GPHN: variants seen among roughly 807,000 people sequenced by gnomAD.
GPHN encodes the protein gephyrin.
Under a neutral mutation model 95.5 loss-of-function variants are expected in GPHN, and 17 were observed. That is an observed-to-expected ratio of 0.18 (90% confidence interval 0.12 to 0.27). GPHN has a LOEUF of 0.27. Ranked by LOEUF, GPHN falls within the 10% of genes least tolerant of loss-of-function variation. The probability of loss-of-function intolerance (pLI) is 1.00; values close to 1 mark genes in which losing one functional copy is unlikely to be tolerated. For synonymous variants in GPHN, 320 were observed against 322.5 expected, an observed-to-expected ratio of 0.99 and a Z score of 0.08; for missense variants, 660 against 978.1, an observed-to-expected ratio of 0.67 and a Z score of 4.34.
At chr14:67,222,853 G>GA in the GPHN span, among the ~76,000 whole-genome samples, 21 of 147,704 alleles carry the variant, frequency 1.4e-4, no homozygotes, top group East Asian at 2.0e-4. Context: ...TAAGTGAAGA[G>GA]AAAAAAAAAA....
At chr14:67,500,944 G>C in the GPHN span, among the ~76,000 whole-genome samples, 1 of 151,712 alleles carries the variant, frequency 6.6e-6, no homozygotes, top group Non-Finnish European at 1.5e-5. Flanking sequence ...ACTCAAATGA[G>C]TAGCTGCATC....
At chr14:66,957,673 C>G (rs1006823549) in intron 8 of GPHN, among the ~76,000 whole-genome samples, 7 of 152,070 alleles carry the variant, frequency 4.6e-5, no homozygotes, top group Non-Finnish European at 5.9e-5. Flanking sequence ...ATACAGTGTT[C>G]CTATATGGCT....
At chr14:67,388,108 C>T in the GPHN span, 2 of 670,940 alleles carry the variant, frequency 3.0e-6, no homozygotes, top group Non-Finnish European at 5.4e-6. Flanking sequence ...ACCACTCTGT[C>T]TCATGGAGAA....
At chr14:67,261,450 AGT>A in the GPHN span, among the ~76,000 whole-genome samples, 2 of 152,218 alleles carry the variant, frequency 1.3e-5, no homozygotes, top group African/African-American at 4.8e-5. Context: ...GGGATATTAC[AGT>A]TACGATTTTG....
At chr14:67,659,282 G>C in the GPHN span, among the ~76,000 whole-genome samples, 2 of 152,240 alleles carry the variant, frequency 1.3e-5, no homozygotes, top group Admixed American at 1.3e-4. Context: ...GGAAAGCTTG[G>C]ATTGATTTTG....
At chr14:67,242,174 T>C in the GPHN span, among the ~76,000 whole-genome samples, 2 of 152,210 alleles carry the variant, frequency 1.3e-5, no homozygotes, top group Non-Finnish European at 2.9e-5. Flanking sequence ...TGTAGTAAAT[T>C]ATGTAACTTT....
At chr14:67,717,917 A>G in the GPHN span, 146 of 152,288 alleles carry the variant, frequency 9.6e-4, 1 homozygote, top group African/African-American at 3.1e-3. Flanking sequence ...TTAAATGTCA[A>G]TAGTGCCTGC....
chr14:67,580,033 T>G, the GPHN span: 1 of 666,230 alleles, frequency 1.5e-6, no homozygotes, highest in Non-Finnish European at 2.5e-6. Context: ...CATCCTAAAA[T>G]GTACCTGGGC....
At chr14:67,683,488 CTT>C in the GPHN span, among the ~76,000 whole-genome samples, 2 of 152,194 alleles carry the variant, frequency 1.3e-5, no homozygotes, top group African/African-American at 4.8e-5. Context: ...AACTGTTACT[CTT>C]TGGCTGAACA....
At chr14:67,576,755 A>G in the GPHN span, among the ~76,000 whole-genome samples, 1,620 of 152,238 alleles carry the variant, frequency 0.011, 35 homozygotes, top group African/African-American at 0.037. This position sits in a 1 kb window ranked among gnomAD's most constrained non-coding sequence, Gnocchi z 4.0. Flanking sequence ...TTTTACTTGG[A>G]TCAAGCTGCC....
At chr14:66,771,260 C>T (rs2059158880) in intron 2 of GPHN, among the ~76,000 whole-genome samples, 1 of 152,140 alleles carries the variant, frequency 6.6e-6, no homozygotes, top group South Asian at 2.1e-4. Context: ...TTGATTGGCT[C>T]CTTACCTCTT....
chr14:66,656,069 T>C (rs1438874939), intron 1 of GPHN, among the ~76,000 whole-genome samples: 1 of 152,178 alleles, frequency 6.6e-6, no homozygotes, highest in Admixed American at 6.5e-5. Context: ...TTTGTTTTAT[T>C]ATACTGTCTT....
intron 20 of GPHN, among the ~76,000 whole-genome samples, chr14:67,166,953 G>A (rs1284977264): frequency 6.6e-6 from 1 of 152,158 alleles, no homozygotes; most frequent in Non-Finnish European, 1.5e-5. Flanking sequence ...ACAGGCATGA[G>A]CCACCATGCG....
chr14:66,709,179 T>G (rs1252220650), intron 2 of GPHN, among the ~76,000 whole-genome samples: 1 of 152,194 alleles, frequency 6.6e-6, no homozygotes, highest in Non-Finnish European at 1.5e-5. Flanking sequence ...ATTTGAACAG[T>G]GTTCCTACAG....
chr14:66,563,096 A>T (rs17780370), intron 1 of GPHN, among the ~76,000 whole-genome samples: 3 of 152,058 alleles, frequency 2.0e-5, no homozygotes, highest in African/African-American at 7.2e-5. Flanking sequence ...CCTTTAAGGG[A>T]TTTTATTGGT....
chr14:66,626,786 T>C (rs1349748609), intron 1 of GPHN, among the ~76,000 whole-genome samples: 1 of 152,042 alleles, frequency 6.6e-6, no homozygotes, highest in Non-Finnish European at 1.5e-5. Context: ...ATAATTCAAT[T>C]TGAGGTACTT....
chr14:66,799,968 T>G (rs1428963279), intron 3 of GPHN, among the ~76,000 whole-genome samples: 1 of 151,984 alleles, frequency 6.6e-6, no homozygotes, highest in East Asian at 1.9e-4. Context: ...CCATTGTATG[T>G]TTTTTGGTTT....
chr14:67,230,509 C>G, the GPHN span, among the ~76,000 whole-genome samples: 1 of 152,134 alleles, frequency 6.6e-6, no homozygotes, highest in East Asian at 1.9e-4. Flanking sequence ...GAGGTCGAGG[C>G]TGCAGTGACC....
At chr14:67,645,561 T>G in the GPHN span, 4 of 1,494,350 alleles carry the variant, frequency 2.7e-6, no homozygotes, top group Non-Finnish European at 3.6e-6. Flanking sequence ...GGAGAGAGTA[T>G]AAGTTGTTTT....
Sources: allele counts gnomAD v4.1 joint callset (sites outside exome capture counted in the v4.1 genomes callset), GRCh38; gene constraint gnomAD v4.1.1; non-coding constraint Gnocchi (gnomAD v3.1); transcripts MANE v1.5; gene names NCBI Gene and HGNC (gene_info 2026-07-23, HGNC 2026-07-21).